The following MAP2K4 variants were observed in gnomAD, a reference collection of about 807,000 sequenced individuals.
MAP2K4 encodes the protein mitogen-activated protein kinase kinase 4, also known as dual specificity mitogen-activated protein kinase kinase 4.
In MAP2K4, 4 loss-of-function variants were observed where a neutral mutation model predicts 48.5. The ratio of observed to expected loss-of-function variants is 0.08; its 90% CI spans 0.04 to 0.19. MAP2K4 has a LOEUF of 0.19. Ranked by LOEUF, MAP2K4 falls within the 10% of genes least tolerant of loss-of-function variation. The pLI is 1.00. For synonymous variants in MAP2K4, 166 were observed against 173.1 expected (o/e 0.96, Z 0.32); for missense variants, 258 against 493.3 (o/e 0.52, Z 4.52).
intron 4 of MAP2K4, among the ~76,000 whole-genome samples, chr17:12,104,065 A>G (rs1972029702): frequency 6.6e-6 from 1 of 152,208 alleles, no homozygotes; most frequent in Non-Finnish European, 1.5e-5. Context: ...TAATGATACA[A>G]ATGTCTCCAA....
intron 8 of MAP2K4, among the ~76,000 whole-genome samples, chr17:12,126,862 C>T (rs1972870469): frequency 6.6e-6 from 1 of 152,184 alleles, no homozygotes; most frequent in Non-Finnish European, 1.5e-5. Context: ...GCTGCTTCTA[C>T]ATTGAAGGCG....
chr17:12,058,761 GAC>G (rs1159886639), intron 2 of MAP2K4, among the ~76,000 whole-genome samples: 2 of 152,064 alleles, frequency 1.3e-5, no homozygotes, highest in East Asian at 3.9e-4. Context: ...GCTTTTAAAA[GAC>G]ATAATCATAG....
At chr17:12,128,386 G>T (rs115966178) in intron 8 of MAP2K4, among the ~76,000 whole-genome samples, 1,707 of 152,222 alleles carry the variant, frequency 0.011, 32 homozygotes, top group African/African-American at 0.039. Context: ...CTAATTGGTA[G>T]GTTTTCATTA....
At position 12,088,131 on chromosome 17, in the gene MAP2K4, G is replaced by A. The variant is rs1044838634; in HGVS notation, c.393+6601G>A. ...CAACTGAATTCTGGACATTTTTGCTGGGAAAGCAGCATATTTGTAGGGTTC... is the reference window on the plus strand; with the variant it reads ...CAACTGAATTCTGGACATTTTTGCTAGGAAAGCAGCATATTTGTAGGGTTC... On this transcript the variant is annotated intron_variant, in intron 3 of 10. Transcript: ENST00000353533. Among the ~76,000 whole-genome samples, 3 of 152,012 alleles carry A rather than the reference G, an allele frequency of 2.0e-5. No homozygotes were observed. The East Asian group carries it at 5.8e-4, about 29-fold the overall frequency.
chr17:12,083,115 A>G (rs967907070), intron 3 of MAP2K4, among the ~76,000 whole-genome samples: 3 of 152,186 alleles, frequency 2.0e-5, no homozygotes, highest in African/African-American at 7.2e-5. Flanking sequence ...TGCTTTTTAC[A>G]GTTTGTGTTA....
intron 5 of MAP2K4, among the ~76,000 whole-genome samples, chr17:12,108,972 A>G (rs557368013): frequency 6.6e-6 from 1 of 152,032 alleles, no homozygotes; most frequent in African/African-American, 2.4e-5. Flanking sequence ...GAAACTTACT[A>G]TTTGTAATAA....
chr17:12,044,909 T>G (rs997452034), intron 1 of MAP2K4, among the ~76,000 whole-genome samples: 2 of 152,262 alleles, frequency 1.3e-5, no homozygotes, highest in African/African-American at 4.8e-5. Flanking sequence ...GTGCTGCCAG[T>G]CATCAGTCAA....
chr17:12,056,289 CTT>C (rs1455801105), intron 2 of MAP2K4, among the ~76,000 whole-genome samples: 2 of 151,694 alleles, frequency 1.3e-5, no homozygotes, highest in African/African-American at 2.4e-5. Flanking sequence ...GACAACCTGA[CTT>C]AAATTAAAAC....
chr17:12,054,150 C>G (rs903500609), intron 1 of MAP2K4, among the ~76,000 whole-genome samples: 1 of 152,040 alleles, frequency 6.6e-6, no homozygotes, highest in African/African-American at 2.4e-5. Flanking sequence ...ATGTCCCTAT[C>G]TATGTATAGA....
rs551587347 is a variant in MAP2K4, at chr17:12,116,392, C to G, written c.813+3032C>G. On this transcript the variant is annotated intron_variant, in intron 7 of 10. Transcript: ENST00000353533. ...GATGCTACTGTAGACTTTATAAACA[C>G]TGTACACTTAGGCTACATGACATTT... Among the ~76,000 whole-genome samples the G allele has an allele frequency of 1.1e-3, 173 of 152,216 alleles. 1 individual carries two copies. The highest frequency in any genetic ancestry group is 1.1e-3 in the Non-Finnish European group (74 of 68,004).
chr17:12,050,113 A>G (rs1597412870), intron 1 of MAP2K4, among the ~76,000 whole-genome samples: 1 of 152,146 alleles, frequency 6.6e-6, no homozygotes, highest in Non-Finnish European at 1.5e-5. Context: ...GCTGGGTGGG[A>G]GGATTCTAGT....
intron 8 of MAP2K4, among the ~76,000 whole-genome samples, chr17:12,128,446 T>G (rs1972924558): frequency 6.6e-6 from 1 of 152,172 alleles, no homozygotes; most frequent in South Asian, 2.1e-4. Flanking sequence ...CACTGGTTAT[T>G]AGAGAATATT....
intron 1 of MAP2K4, among the ~76,000 whole-genome samples, chr17:12,035,078 A>G (rs2151512382): frequency 6.6e-6 from 1 of 152,338 alleles, no homozygotes. Context: ...GCTTACATAT[A>G]TTAGCACTTC....
intron 1 of MAP2K4, among the ~76,000 whole-genome samples, chr17:12,038,555 AC>A (rs1228542914): frequency 6.6e-6 from 1 of 152,156 alleles, no homozygotes; most frequent in Non-Finnish European, 1.5e-5. Flanking sequence ...GATAAGAAGC[AC>A]TGGGATCCTT....
chr17:12,123,017 G>A (rs568579232), intron 7 of MAP2K4, among the ~76,000 whole-genome samples: 25 of 152,222 alleles, frequency 1.6e-4, no homozygotes, highest in African/African-American at 5.8e-4. Context: ...GTATGTTGCT[G>A]GATTAGGTTT....
At chr17:12,031,760 G>T (rs984103909) in intron 1 of MAP2K4, among the ~76,000 whole-genome samples, 12 of 152,174 alleles carry the variant, frequency 7.9e-5, no homozygotes, top group African/African-American at 2.6e-4. Flanking sequence ...GCAGTTCATT[G>T]TCTTATTGTT....
intron 10 of MAP2K4, among the ~76,000 whole-genome samples, chr17:12,140,346 G>C (rs1160082435): frequency 6.6e-6 from 1 of 152,146 alleles, no homozygotes; most frequent in South Asian, 2.1e-4. Flanking sequence ...TGGCATTGGT[G>C]GGGCAGGGAG....
At position 12,020,925 on chromosome 17, in the gene MAP2K4, G is replaced by C. The variant is rs1359216005; in HGVS notation, c.39G>C (p.Gly13=). 2 of 1,217,772 alleles carry C rather than the reference G, an allele frequency of 1.6e-6. No homozygotes were observed. Among genetic ancestry groups the C allele is most frequent in the Non-Finnish European group, 2.0e-6 (2 of 979,134 alleles). 75.4% of individuals were successfully genotyped at this position (1,217,772 alleles called of 1,614,324 possible). ...GCCCGAGCGGCGGCGGCGGCTCCGG[G>C]GGCGGCAGCGGCAGCGGCACCCCCG... ...APSPSGGGGS[G]GGSGSGTPGP... The change falls in exon 1 of 11, where the codon GGG becomes GGC. Residue 13 remains glycine, a synonymous_variant. Transcript: ENST00000353533.
intron 1 of MAP2K4, among the ~76,000 whole-genome samples, chr17:12,053,415 CTTTT>C (rs1295302762): frequency 6.6e-6 from 1 of 151,810 alleles, no homozygotes; most frequent in East Asian, 1.9e-4. Context: ...ATTCTTATCA[CTTTT>C]TTTCTATTTT....
Sources: allele counts gnomAD v4.1 joint callset (sites outside exome capture counted in the v4.1 genomes callset), GRCh38; gene constraint gnomAD v4.1.1; transcripts MANE v1.5; gene names NCBI Gene and HGNC (gene_info 2026-07-23, HGNC 2026-07-21).